Variants in CC2D2A observed in about 807,000 individuals in gnomAD.
CC2D2A encodes the protein coiled-coil and C2 domain containing 2A.
Under a neutral mutation model 212.9 loss-of-function variants are expected in CC2D2A, and 155 were observed. The observed-to-expected ratio is 0.73, with a 90% CI of 0.64 to 0.83. CC2D2A has a LOEUF of 0.83. Among genes scored for constraint, CC2D2A ranks in the 40% least tolerant of loss-of-function variants. The pLI, the probability that CC2D2A is intolerant of heterozygous loss-of-function variation, is 0.00. For missense variants in CC2D2A, 1,856 were observed against 1,956.2 expected (o/e 0.95, Z 0.97); for synonymous variants, 667 against 686.5 (o/e 0.97, Z 0.44).
intron 18 of CC2D2A, among the ~76,000 whole-genome samples, chr4:15,552,091 AC>A (rs1719033888): frequency 6.6e-6 from 1 of 152,204 alleles, no homozygotes; most frequent in Non-Finnish European, 1.5e-5. Context: ...ATCTAGAGTT[AC>A]TTCATTTAGT....
chr4:15,599,304 T>C (rs1441154610), intron 35 of CC2D2A, among the ~76,000 whole-genome samples: 1 of 152,202 alleles, frequency 6.6e-6, no homozygotes, highest in African/African-American at 2.4e-5. Flanking sequence ...TATAGGACTA[T>C]TTCCCATCTC....
intron 6 of CC2D2A, among the ~76,000 whole-genome samples, chr4:15,509,914 A>T (rs1269740216): frequency 6.6e-6 from 1 of 152,188 alleles, no homozygotes; most frequent in Non-Finnish European, 1.5e-5. Flanking sequence ...AAAATACCGT[A>T]TTTATAGTCT....
chr4:15,480,994 G>A (rs1207687821), intron 4 of CC2D2A, among the ~76,000 whole-genome samples, 167 bp downstream of exon 4: 2 of 152,094 alleles, frequency 1.3e-5, no homozygotes, highest in Non-Finnish European at 2.9e-5. Context: ...TCCCTGCCAA[G>A]GAGACAGAAC....
chr4:15,592,432 GAGA>G (rs1294782479), intron 33 of CC2D2A, among the ~76,000 whole-genome samples: 1 of 152,136 alleles, frequency 6.6e-6, no homozygotes, highest in African/African-American at 2.4e-5. Flanking sequence ...ATTAAACTCT[GAGA>G]AGCACCATTG....
At chr4:15,529,994 C>G (rs1476046297) in intron 13 of CC2D2A, among the ~76,000 whole-genome samples, 1 of 131,036 alleles carries the variant, frequency 7.6e-6, no homozygotes, top group Non-Finnish European at 1.8e-5. Flanking sequence ...TTTTTTGAGA[C>G]GGAGTCTCAC....
intron 14 of CC2D2A, 30 bp from the exon 15 acceptor site, chr4:15,536,890 A>G: frequency 6.2e-7 from 1 of 1,600,392 alleles, no homozygotes; most frequent in Non-Finnish European, 8.5e-7. Flanking sequence ...ATTTCCAGAA[A>G]TAACCAAGGG....
At chr4:15,529,317 G>A (rs1717686451) in intron 13 of CC2D2A, among the ~76,000 whole-genome samples, 1 of 151,970 alleles carries the variant, frequency 6.6e-6, no homozygotes, top group Non-Finnish European at 1.5e-5. Flanking sequence ...AAGAGTTTGA[G>A]GCTGCAGTGA....
chr4:15,471,980 A>G (rs1713861293), intron 1 of CC2D2A, among the ~76,000 whole-genome samples: 1 of 152,168 alleles, frequency 6.6e-6, no homozygotes, highest in Non-Finnish European at 1.5e-5. Context: ...TCATTGGCTT[A>G]ATGTAGCCTA....
chr4:15,542,109 T>C (rs193194712), intron 17 of CC2D2A, among the ~76,000 whole-genome samples: 2 of 152,330 alleles, frequency 1.3e-5, no homozygotes, highest in East Asian at 3.9e-4. Context: ...ACACTCTTAT[T>C]GGATTTAGGG....
intron 16 of CC2D2A, among the ~76,000 whole-genome samples, 156 bp downstream of exon 16, chr4:15,538,293 C>A (rs553022658): frequency 2.6e-5 from 4 of 152,298 alleles, no homozygotes; most frequent in African/African-American, 9.6e-5. Context: ...TTAGGTTGAA[C>A]CACATGAAAT....
chr4:15,599,340 G>A (rs1039575716), intron 35 of CC2D2A, among the ~76,000 whole-genome samples, 189 bp from the exon 36 acceptor site: 1 of 152,052 alleles, frequency 6.6e-6, no homozygotes, highest in Non-Finnish European at 1.5e-5. Flanking sequence ...CTTAAGGACA[G>A]GACTGCATGT....
intron 2 of CC2D2A, among the ~76,000 whole-genome samples, chr4:15,478,281 GGCTGGAAA>G (rs2108969259): frequency 6.6e-6 from 1 of 152,336 alleles, no homozygotes; most frequent in Admixed American, 6.5e-5. Context: ...CTGCTGGTAA[GGCTGGAAA>G]GCAGAAAAAC....
chr4:15,510,702 G>A (rs944573120), intron 7 of CC2D2A, among the ~76,000 whole-genome samples: 1 of 152,180 alleles, frequency 6.6e-6, no homozygotes, highest in Admixed American at 6.5e-5. Context: ...ACTAACTGGA[G>A]AGATCAGAAT....
At chr4:15,575,314 G>A (rs1302052260) in intron 29 of CC2D2A, among the ~76,000 whole-genome samples, 1 of 152,112 alleles carries the variant, frequency 6.6e-6, no homozygotes, top group African/African-American at 2.4e-5. Flanking sequence ...ATTTATGCAG[G>A]GTGACATAGG....
At chr4:15,569,094 G>C (rs956235822) in intron 26 of CC2D2A, among the ~76,000 whole-genome samples, 199 bp from the exon 27 acceptor site, 3 of 152,178 alleles carry the variant, frequency 2.0e-5, no homozygotes, top group Non-Finnish European at 4.4e-5. Flanking sequence ...TCTGCATAGA[G>C]TCTCTAATGT....
intron 11 of CC2D2A, among the ~76,000 whole-genome samples, chr4:15,527,177 C>T (rs147775872): frequency 1.1e-4 from 17 of 152,296 alleles, no homozygotes; most frequent in African/African-American, 4.1e-4. Flanking sequence ...ATTAGAACTA[C>T]AACTTAGGCA....
At position 15,601,312 on chromosome 4, in the gene CC2D2A, CATA is replaced by C. The variant is rs1721586581; in HGVS notation, c.4754_4756del (p.Asn1585del). On this transcript the variant is annotated inframe_deletion, in exon 37 of 37. Transcript: ENST00000424120. ...TGACGCTGTGTATAGTACTGGAGTA[CATA>C]ATATTGATGTTCCTAATGTTGAATT... is the stretch of plus-strand genomic sequence containing the variant. 1 of 1,611,090 alleles carries C rather than the reference CATA, an allele frequency of 6.2e-7. No homozygotes were observed. Among genetic ancestry groups the C allele is most frequent in the Non-Finnish European group, 8.5e-7 (1 of 1,178,144 alleles).
At chr4:15,585,580 G>T (rs1437018534) in intron 30 of CC2D2A, among the ~76,000 whole-genome samples, 1 of 152,178 alleles carries the variant, frequency 6.6e-6, no homozygotes, top group Non-Finnish European at 1.5e-5. Context: ...ACAGTATGAT[G>T]AATACAGTTA....
chr4:15,537,213 TG>T, intron 15 of CC2D2A, 137 bp downstream of exon 15: 1 of 690,050 alleles, frequency 1.4e-6, no homozygotes, highest in Non-Finnish European at 2.3e-6. Context: ...CCCCGTCCCC[TG>T]GCTAAGGGAT....
Sources: gnomAD v4.1 joint callset for allele counts (sites outside exome capture counted in the v4.1 genomes callset) on GRCh38, gnomAD v4.1.1 for gene constraint, MANE v1.5 for transcripts, NCBI Gene and HGNC (gene_info 2026-07-23, HGNC 2026-07-21) for gene names.